The following ZRANB3 variants were observed in gnomAD, a reference collection of about 807,000 sequenced individuals.
ZRANB3 encodes the protein DNA annealing helicase and endonuclease ZRANB3.
ZRANB3 carries 125 observed loss-of-function variants against 133.8 expected under a neutral mutation model. That is an observed-to-expected ratio of 0.93 (90% CI 0.81 to 1.08). The LOEUF (loss-of-function observed/expected upper bound fraction) is 1.08, where lower values mean the gene tolerates loss of function less well. ZRANB3 is among the 50% of genes least tolerant of loss of function. The pLI, the probability that ZRANB3 is intolerant of heterozygous loss-of-function variation, is 0.00. For synonymous variants in ZRANB3, 387 were observed against 432.7 expected, an observed-to-expected ratio of 0.89 and a Z score of 1.31; for missense variants, 1,229 against 1,275.5, an observed-to-expected ratio of 0.96 and a Z score of 0.56.
intron 8 of ZRANB3, among the ~76,000 whole-genome samples, chr2:135,310,555 T>A (rs988042360): frequency 4.6e-5 from 7 of 152,186 alleles, no homozygotes; most frequent in African/African-American, 1.7e-4. Flanking sequence ...ATCTAAGTCA[T>A]CTATCACTTA....
chr2:135,224,913 C>T (rs60516515), intron 14 of ZRANB3, among the ~76,000 whole-genome samples: 2,456 of 152,286 alleles, frequency 0.016, 72 homozygotes, highest in African/African-American at 0.056. Context: ...TTATTAGCAG[C>T]AACATCGCTA....
intron 3 of ZRANB3, among the ~76,000 whole-genome samples, chr2:135,382,134 A>C (rs1188918071): frequency 6.6e-6 from 1 of 152,218 alleles, no homozygotes; most frequent in Non-Finnish European, 1.5e-5. Context: ...TAACCAATGC[A>C]GAGAAGTCCT....
At chr2:135,527,357 G>A (rs1037240194) in intron 1 of ZRANB3, among the ~76,000 whole-genome samples, 4 of 152,008 alleles carry the variant, frequency 2.6e-5, no homozygotes, top group Non-Finnish European at 5.9e-5. Flanking sequence ...TCAGGAGTTC[G>A]AGACCAGCCT....
rs118034780 is a variant in ZRANB3, at chr2:135,439,199, T to C, written c.162-48379A>G. On this transcript the variant is annotated intron_variant, in intron 2 of 20. Coordinates refer to ENST00000264159, the MANE Select transcript of ZRANB3 (RefSeq NM_032143.4). ...TAAGGTCTGTCAGAGGAAACTACATTTGTTAAAGTATCTTTTATAGAATAC... is the reference window on the plus strand; with the variant it reads ...TAAGGTCTGTCAGAGGAAACTACATCTGTTAAAGTATCTTTTATAGAATAC... Among the ~76,000 whole-genome samples, 44 of 152,334 alleles carry C rather than the reference T, an allele frequency of 2.9e-4. 3 individuals are homozygous for C. The East Asian group carries it at 8.3e-3, about 29-fold the overall frequency.
intron 6 of ZRANB3, among the ~76,000 whole-genome samples, chr2:135,340,043 A>G (rs907857555): frequency 6.6e-6 from 1 of 150,728 alleles, no homozygotes; most frequent in African/African-American, 2.4e-5. Flanking sequence ...ATGTTTAAAT[A>G]TTTTATTCAT....
intron 2 of ZRANB3, among the ~76,000 whole-genome samples, chr2:135,478,909 A>G (rs1309773738): frequency 6.6e-6 from 1 of 151,786 alleles, no homozygotes; most frequent in Non-Finnish European, 1.5e-5. Context: ...TTTATGTTCT[A>G]TATGTATATA....
intron 2 of ZRANB3, among the ~76,000 whole-genome samples, chr2:135,404,729 G>A (rs950550326): frequency 3.3e-5 from 5 of 152,202 alleles, no homozygotes; most frequent in African/African-American, 1.2e-4. Flanking sequence ...ACAAAGGGAA[G>A]CCCATTAGAC....
chr2:135,238,422 T>A (rs1217714360), intron 12 of ZRANB3, among the ~76,000 whole-genome samples: 1 of 151,702 alleles, frequency 6.6e-6, no homozygotes, highest in Non-Finnish European at 1.5e-5. Flanking sequence ...AGGCAGAGTT[T>A]CACTCTTGTC....
chr2:135,239,600 T>G (rs1162910710), intron 12 of ZRANB3, among the ~76,000 whole-genome samples: 1 of 152,208 alleles, frequency 6.6e-6, no homozygotes, highest in African/African-American at 2.4e-5. Context: ...AAAAGTTATC[T>G]AATTAGTTGT....
intron 12 of ZRANB3, among the ~76,000 whole-genome samples, chr2:135,234,938 C>A (rs1308200882): frequency 6.6e-6 from 1 of 152,102 alleles, no homozygotes; most frequent in Non-Finnish European, 1.5e-5. Flanking sequence ...TAACTAAGAT[C>A]AGAGTAGAAC....
chr2:135,409,443 T>C (rs1206600504), intron 2 of ZRANB3, among the ~76,000 whole-genome samples: 2 of 149,562 alleles, frequency 1.3e-5, no homozygotes. Flanking sequence ...CATCGCTTTA[T>C]GATAAAAAAA....
chr2:135,507,849 G>T (rs1360818972), intron 1 of ZRANB3, among the ~76,000 whole-genome samples: 2 of 151,938 alleles, frequency 1.3e-5, no homozygotes, highest in Non-Finnish European at 2.9e-5. Context: ...CAACTACTTG[G>T]GAGGCTTCAG....
rs1411482866 is a variant in ZRANB3 at position 135,428,534 on chromosome 2, CA to C, written c.162-37715del. ...AATTAACTAAGGAGATTCTGTACAG[CA>C]AAAGAAATAATCAACAGACTAAACA... On this transcript the variant is annotated intron_variant, in intron 2 of 20. Coordinates refer to ENST00000264159, the MANE Select transcript of ZRANB3 (RefSeq NM_032143.4). 2.7e-5 allele frequency among the ~76,000 whole-genome samples: 4 copies of C among 150,574 alleles called. No individual in the cohort carries two copies. The East Asian group carries it at 7.8e-4, about 29-fold the overall frequency.
At chr2:135,224,963 G>A (rs1694700880) in intron 14 of ZRANB3, among the ~76,000 whole-genome samples, 1 of 152,140 alleles carries the variant, frequency 6.6e-6, no homozygotes, top group African/African-American at 2.4e-5. Flanking sequence ...CTGTAGCCTG[G>A]TGCCTGACAT....
intron 8 of ZRANB3, among the ~76,000 whole-genome samples, chr2:135,293,191 G>A (rs1331507287): frequency 6.6e-6 from 1 of 152,146 alleles, no homozygotes; most frequent in South Asian, 2.1e-4. Flanking sequence ...TGGGCAGTAT[G>A]GCCATTTTCA....
intron 2 of ZRANB3, among the ~76,000 whole-genome samples, chr2:135,430,421 A>G (rs1207042771): frequency 6.6e-6 from 1 of 151,972 alleles, no homozygotes; most frequent in African/African-American, 2.4e-5. Flanking sequence ...AATATATTAT[A>G]AAGTAAGAAG....
At chr2:135,265,040 T>C (rs1306833814) in intron 12 of ZRANB3, among the ~76,000 whole-genome samples, 1 of 152,118 alleles carries the variant, frequency 6.6e-6, no homozygotes, top group Non-Finnish European at 1.5e-5. Flanking sequence ...TGAGCCACCA[T>C]GCCCAGCTCT....
intron 2 of ZRANB3, among the ~76,000 whole-genome samples, chr2:135,499,765 T>C (rs1340838534): frequency 6.6e-6 from 1 of 152,182 alleles, no homozygotes. Flanking sequence ...CAAGTAAAGA[T>C]TGGTGAAATT....
In ZRANB3 at chr2:135,202,973, G is replaced by C; in HGVS notation, c.3010-10C>G. The C allele has an allele frequency of 6.2e-7, 1 of 1,610,328 alleles. No individual in the cohort carries two copies. The highest frequency in any genetic ancestry group is 1.3e-5 in the African/African-American group (1 of 74,970). ...TTATCATTTCATTTAGCTGCAATAA[G>C]AATACAAGATCAGCAATTTTCAACA... On this transcript the variant is annotated splice_polypyrimidine_tract_variant and intron_variant, in intron 19 of 20. Transcript: ENST00000264159.
Sources: allele counts gnomAD v4.1 joint callset (sites outside exome capture counted in the v4.1 genomes callset), GRCh38; gene constraint gnomAD v4.1.1; transcripts MANE v1.5; gene names NCBI Gene and HGNC (gene_info 2026-07-23, HGNC 2026-07-21).